ZBTB44: variants seen among roughly 807,000 people sequenced by gnomAD.
The protein encoded by ZBTB44 is zinc finger and BTB domain containing 44.
In ZBTB44, 15 loss-of-function variants were observed where a neutral mutation model predicts 54.0. The observed-to-expected ratio is 0.28, with a 90% CI of 0.19 to 0.43. The LOEUF is 0.43. ZBTB44 is among the 20% of genes least tolerant of loss of function. The pLI is 1.00. For synonymous variants in ZBTB44, 230 were observed against 250.1 expected, an observed-to-expected ratio of 0.92 and a Z score of 0.76; for missense variants, 487 against 707.1, an observed-to-expected ratio of 0.69 and a Z score of 3.53.
intron 2 of ZBTB44, among the ~76,000 whole-genome samples, chr11:130,249,478 C>G (rs1417166291): frequency 6.6e-6 from 1 of 152,156 alleles, no homozygotes; most frequent in Non-Finnish European, 1.5e-5. Context: ...ATTATTTCCC[C>G]CAGAAAGACA....
At chr11:130,254,248 T>C (rs9734570) in intron 2 of ZBTB44, among the ~76,000 whole-genome samples, 9 of 151,992 alleles carry the variant, frequency 5.9e-5, no homozygotes, top group African/African-American at 2.2e-4. Flanking sequence ...AGCTTTTGCA[T>C]AGCAAAAGAA....
intron 2 of ZBTB44, among the ~76,000 whole-genome samples, chr11:130,248,023 T>C (rs1591948951): frequency 6.6e-6 from 1 of 152,248 alleles, no homozygotes; most frequent in South Asian, 2.1e-4. Context: ...GGTAAAATCC[T>C]ATCTGAACTA....
At chr11:130,296,928 G>A (rs1208056625) in intron 1 of ZBTB44, 3 of 736,486 alleles carry the variant, frequency 4.1e-6, no homozygotes, top group Non-Finnish European at 7.5e-6. Flanking sequence ...CAATGGCAAT[G>A]AAGGCAAGCA....
chr11:130,255,919 A>AAAAC (rs1555167098), intron 2 of ZBTB44, among the ~76,000 whole-genome samples: 4 of 131,392 alleles, frequency 3.0e-5, no homozygotes, highest in African/African-American at 1.2e-4. Context: ...AAAAAAAAAA[A>AAAAC]AACACCCCTT....
intron 1 of ZBTB44, among the ~76,000 whole-genome samples, chr11:130,298,326 T>C (rs1461932166): frequency 6.6e-6 from 1 of 151,902 alleles, no homozygotes; most frequent in East Asian, 1.9e-4. Flanking sequence ...TATTTTCTTG[T>C]AGAGACAGGG....
chr11:130,286,726 C>A (rs7943301), intron 1 of ZBTB44, among the ~76,000 whole-genome samples: 9,759 of 152,200 alleles, frequency 0.064, 748 homozygotes, highest in African/African-American at 0.18. Flanking sequence ...GACAGCATGT[C>A]CACTAGGTAG....
At chr11:130,284,736 C>T (rs1464144405) in intron 1 of ZBTB44, among the ~76,000 whole-genome samples, 2 of 152,060 alleles carry the variant, frequency 1.3e-5, no homozygotes, top group Admixed American at 1.3e-4. Flanking sequence ...CGTGGTGGCA[C>T]GTGCCTGTAA....
At chr11:130,311,406 A>G (rs1194479732) in intron 1 of ZBTB44, among the ~76,000 whole-genome samples, 1 of 151,988 alleles carries the variant, frequency 6.6e-6, no homozygotes, top group East Asian at 1.9e-4. Context: ...ATGGGGTCTC[A>G]TCATGTTGCC....
At position 130,239,879 on chromosome 11, in the gene ZBTB44, C is replaced by A; in HGVS notation, c.1036G>T (p.Val346Phe). 1 of 1,611,240 alleles carries A rather than the reference C, an allele frequency of 6.2e-7. No individual in the cohort carries two copies. The highest frequency in any genetic ancestry group is 8.5e-7 in the Non-Finnish European group (1 of 1,178,458). The change falls in exon 3 of 8, where the codon GTT (valine) becomes TTT (phenylalanine). Residue 346 changes from valine to phenylalanine, a missense_variant. Physicochemically the swap from Val to Phe is conservative, Grantham distance 50. This residue lies in a region of ZBTB44 where 277 missense variants were observed against 306.5 expected (regional missense o/e 0.90). Transcript: ENST00000357899. ...SSSIGSVDEG[V>F]SEGLPTLQST... ...TGAAGTGTAGGCAAGCCCTCAGAAA[C>A]GCCTTCATCTACTGAGCCTGTGAAT...
intron 1 of ZBTB44, among the ~76,000 whole-genome samples, chr11:130,302,242 G>C (rs1205589843): frequency 1.3e-5 from 2 of 152,066 alleles, no homozygotes; most frequent in African/African-American, 4.8e-5. Flanking sequence ...GACAAGTTAA[G>C]GAACTAGCCA....
At chr11:130,301,214 C>T (rs2134450995) in intron 1 of ZBTB44, among the ~76,000 whole-genome samples, 1 of 152,204 alleles carries the variant, frequency 6.6e-6, no homozygotes, top group South Asian at 2.1e-4. Flanking sequence ...AAGAGTACAG[C>T]TATAGTTAAG....
At chr11:130,313,961 TATATA>T (rs775982937) in intron 1 of ZBTB44, among the ~76,000 whole-genome samples, 5 of 143,546 alleles carry the variant, frequency 3.5e-5, no homozygotes, top group Middle Eastern at 3.4e-3. Flanking sequence ...TATATATATA[TATATA>T]TTTTTTTAAA....
chr11:130,283,969 C>CAAAAAAAAAAAAAAAAAAAA (rs71061377), intron 1 of ZBTB44, among the ~76,000 whole-genome samples: 16 of 45,174 alleles, frequency 3.5e-4, no homozygotes, highest in East Asian at 7.8e-4. Context: ...GACTCCATCT[C>CAAAAAAAAAAAAAAAAAAAA]AAAAAAAAAA....
intron 2 of ZBTB44, among the ~76,000 whole-genome samples, chr11:130,250,223 C>T (rs1937888913): frequency 6.6e-6 from 1 of 152,192 alleles, no homozygotes; most frequent in Non-Finnish European, 1.5e-5. Context: ...GATTCCTCTT[C>T]ATTGGGCAGG....
chr11:130,312,046 A>G (rs924978613), intron 1 of ZBTB44, among the ~76,000 whole-genome samples: 1 of 152,196 alleles, frequency 6.6e-6, no homozygotes, highest in Non-Finnish European at 1.5e-5. Context: ...GGGGGTGGCT[A>G]TTTCTCCAGC....
chr11:130,296,309 TAAG>T (rs1941639229), intron 1 of ZBTB44: 4 of 1,518,738 alleles, frequency 2.6e-6, no homozygotes, highest in East Asian at 2.2e-5. Context: ...TTACATTCCT[TAAG>T]AAGAACCGAA....
At chr11:130,293,181 G>T (rs926240395) in intron 1 of ZBTB44, among the ~76,000 whole-genome samples, 1 of 151,904 alleles carries the variant, frequency 6.6e-6, no homozygotes, top group Admixed American at 6.6e-5. Flanking sequence ...ATAATTTTAG[G>T]CCTGGAACAA....
rs376548228 is a variant in ZBTB44 at position 130,231,703 on chromosome 11, C to T, written c.*61G>A. ...TTCTTTCCTCTTGCTCTTTCAAAAA[C>T]CACCTCTTGGAACTAAGGGTAACAA... On this transcript the variant is annotated 3_prime_UTR_variant, in exon 8 of 8. Coordinates refer to ENST00000357899, the MANE Select transcript of ZBTB44 (RefSeq NM_001301098.2). The T allele has an allele frequency of 3.3e-5, 5 of 152,244 alleles. No individual in the cohort carries two copies. Among genetic ancestry groups the T allele is most frequent in the African/African-American group, 1.2e-4 (5 of 41,562 alleles). 9.4% of individuals were successfully genotyped at this position (152,244 alleles called of 1,614,324 possible).
chr11:130,274,230 A>G (rs1388138140), intron 1 of ZBTB44, among the ~76,000 whole-genome samples: 1 of 152,226 alleles, frequency 6.6e-6, no homozygotes, highest in African/African-American at 2.4e-5. Flanking sequence ...GTTGGTGCTC[A>G]AAACACTTTG....
Sources: allele counts gnomAD v4.1 joint callset (sites outside exome capture counted in the v4.1 genomes callset), GRCh38; gene constraint gnomAD v4.1.1; regional missense constraint gnomAD v4.1.1; transcripts MANE v1.5; gene names NCBI Gene and HGNC (gene_info 2026-07-23, HGNC 2026-07-21).